DYNC1LI1: variants seen among roughly 807,000 people sequenced by gnomAD.
DYNC1LI1 encodes the protein dynein cytoplasmic 1 light intermediate chain 1.
DYNC1LI1 carries 19 observed loss-of-function variants against 63.8 expected under a neutral mutation model. The ratio of observed to expected loss-of-function variants is 0.30; its 90% CI spans 0.21 to 0.44. The LOEUF is 0.44. Ranked by LOEUF, DYNC1LI1 falls within the 20% of genes least tolerant of loss-of-function variation. DYNC1LI1 has a pLI of 1.00. For synonymous variants in DYNC1LI1, 225 were observed against 232.3 expected (o/e 0.97, Z 0.28); for missense variants, 565 against 630.2 (o/e 0.90, Z 1.11).
chr3:32,540,677 G>T lies in DYNC1LI1; in HGVS notation c.738+360C>A, dbSNP rs867194558. Among the ~76,000 whole-genome samples the T allele has an allele frequency of 9.3e-3, 1,166 of 124,736 alleles. 14 individuals carry two copies. Among genetic ancestry groups the T allele is most frequent in the African/African-American group, 0.034 (1,104 of 32,718 alleles). The allele number at this position is 124,736 out of a possible 152,430, so 81.8% of individuals were successfully genotyped here. On this transcript the variant is annotated intron_variant, in intron 5 of 12. Transcript: ENST00000273130. ...GCCTGGGCAACAAGAGCAAAACTCC[G>T]TCTCAAAAAAAAAAAAAAAAAAATT...
At chr3:32,538,061 AATTT>A (rs1185517683) in intron 5 of DYNC1LI1, among the ~76,000 whole-genome samples, 1 of 75,868 alleles carries the variant, frequency 1.3e-5, no homozygotes, top group Non-Finnish European at 2.6e-5. Context: ...ATATATATAT[AATTT>A]ATTATATATA....
intron 5 of DYNC1LI1, among the ~76,000 whole-genome samples, chr3:32,538,022 AT>A (rs1421088023): frequency 0.046 from 895 of 19,614 alleles, 128 homozygotes; most frequent in East Asian, 0.084. Flanking sequence ...TATATATATA[AT>A]TTATATATAT....
intron 2 of DYNC1LI1, among the ~76,000 whole-genome samples, chr3:32,554,246 T>C (rs1230950127): frequency 3.3e-5 from 5 of 152,234 alleles, no homozygotes; most frequent in Admixed American, 6.5e-5. Context: ...ATTTTTTCTC[T>C]GCTAGAATTT....
chr3:32,538,233 A>G (rs1697827634), intron 5 of DYNC1LI1, among the ~76,000 whole-genome samples: 1 of 146,260 alleles, frequency 6.8e-6, no homozygotes, highest in African/African-American at 2.5e-5. Flanking sequence ...TCTCCACAAA[A>G]ATGAAAATAA....
At position 32,544,852 on chromosome 3, in the gene DYNC1LI1, C is replaced by T. The variant is rs187073456; in HGVS notation, c.568+24G>A. On this transcript the variant is annotated intron_variant, in intron 4 of 12. Coordinates refer to ENST00000273130, the MANE Select transcript of DYNC1LI1 (RefSeq NM_016141.4). ...CAAGACATTTTGTATTTGAAACCTA[C>T]ATTACTGTTTCTAGATTACTTACAC... The T allele has an allele frequency of 2.6e-5, 40 of 1,513,318 alleles. No individual in the cohort carries two copies. The African/African-American group carries it at 4.7e-4, about 18-fold the overall frequency. 93.7% of individuals were successfully genotyped at this position (1,513,318 alleles called of 1,614,324 possible).
At chr3:32,550,754 ATAT>A (rs777766180) in intron 2 of DYNC1LI1, among the ~76,000 whole-genome samples, 79 of 152,218 alleles carry the variant, frequency 5.2e-4, no homozygotes, top group Non-Finnish European at 7.2e-4. Context: ...AATCCAGTAA[ATAT>A]TGAGTGGGGC....
Position 32,533,088 on chromosome 3 carries a change from C to T in DYNC1LI1, c.978G>A (p.Gly326=), listed in dbSNP as rs753734213. 3 of 1,589,160 alleles carry T rather than the reference C, an allele frequency of 1.9e-6. No homozygotes were observed. The highest frequency in any genetic ancestry group is 2.3e-5 in the South Asian group (2 of 85,866). Residue 326 remains glycine (G), a synonymous_variant, in exon 8 of 13, where the codon GGG becomes GGA. Transcript: ENST00000273130. ...TTCCTATTTTCTTATCATTATCCCACCCTGCTGGACTGGAAAGAAATACAT... is the reference window on the plus strand; with the variant it reads ...TTCCTATTTTCTTATCATTATCCCATCCTGCTGGACTGGAAAGAAATACAT... ...VEKDAVFIPA[G]WDNDKKIGIL...
chr3:32,566,368 GTAT>G (rs1698259912), intron 2 of DYNC1LI1, among the ~76,000 whole-genome samples: 1 of 152,086 alleles, frequency 6.6e-6, no homozygotes, highest in African/African-American at 2.4e-5. Context: ...TCTATGTTAG[GTAT>G]TATTATTTAT....
chr3:32,562,256 TTCTC>T (rs1324050592), intron 2 of DYNC1LI1, among the ~76,000 whole-genome samples: 2 of 152,166 alleles, frequency 1.3e-5, no homozygotes, highest in African/African-American at 2.4e-5. Flanking sequence ...GAGCAAGACT[TTCTC>T]TCTAAAACAT....
chr3:32,561,168 A>G (rs1213804888), intron 2 of DYNC1LI1, among the ~76,000 whole-genome samples: 1 of 151,984 alleles, frequency 6.6e-6, no homozygotes, highest in Non-Finnish European at 1.5e-5. Context: ...AGGAGGTCAA[A>G]GTCACACTAA....
At chr3:32,553,959 A>C (rs567442774) in intron 2 of DYNC1LI1, among the ~76,000 whole-genome samples, 1 of 152,354 alleles carries the variant, frequency 6.6e-6, no homozygotes, top group South Asian at 2.1e-4. Context: ...GTCCTGGTGC[A>C]TAAGGAGGCA....
chr3:32,545,054 G>C lies in DYNC1LI1; in HGVS notation c.390C>G (p.Gly130=), dbSNP rs893375309. ...WILDGDLYHK[G]LLKFSLDAVS... is the part of the protein sequence containing the mutation. The stretch of plus-strand genomic sequence containing the variant: ...CGGCATCCAGTGAAAATTTAAGGAG[G>C]CCTTTGTGATATAGGTCTCCATCTA... Residue 130 remains glycine, a synonymous_variant, in exon 4 of 13, where the codon GGC becomes GGG. Transcript: ENST00000273130. The C allele has an allele frequency of 1.9e-6, 3 of 1,613,892 alleles. No homozygotes were observed. Among genetic ancestry groups the C allele is most frequent in the Non-Finnish European group, 2.5e-6 (3 of 1,179,818 alleles).
At position 32,570,383 on chromosome 3, in the gene DYNC1LI1, G is replaced by A; in HGVS notation, c.183C>T (p.Arg61=). 1 of 1,606,466 alleles carries A rather than the reference G, an allele frequency of 6.2e-7. No individual in the cohort carries two copies. Among genetic ancestry groups the A allele is most frequent in the Non-Finnish European group, 8.5e-7 (1 of 1,177,434 alleles). The change falls in exon 2 of 13, where the codon CGC becomes CGT. Residue 61 remains arginine, a synonymous_variant. Transcript: ENST00000273130. ...CILSEVSTRS[R]SKLPAGKNVL... ...CGTTCTTCCCCGCAGGGAGCTTGGA[G>A]CGCGAGCGGGTGGAGACCTCGCTGA...
Position 32,561,030 on chromosome 3 carries a change from A to C in DYNC1LI1, c.220+9316T>G, listed in dbSNP as rs796263159. Reference sequence around the variant, plus strand: ...AAAAAAAAAAAAAAAAAAAAAAAAAAAAACAAACAAAAAAAACACACACAC... The same window carrying C: ...AAAAAAAAAAAAAAAAAAAAAAAAACAAACAAACAAAAAAAACACACACAC... On this transcript the variant is annotated intron_variant, in intron 2 of 12. Coordinates refer to ENST00000273130, the MANE Select transcript of DYNC1LI1 (RefSeq NM_016141.4). Among the ~76,000 whole-genome samples, 173 of 132,746 alleles carry C rather than the reference A, an allele frequency of 1.3e-3. 2 individuals carry two copies. Among genetic ancestry groups the C allele is most frequent in the South Asian group, 2.1e-3 (9 of 4,358 alleles). 87.1% of individuals were successfully genotyped at this position (132,746 alleles called of 152,430 possible).
At chr3:32,570,549 G>T (rs1213706713) in intron 1 of DYNC1LI1, 76 bp downstream of exon 1, 5 of 1,511,866 alleles carry the variant, frequency 3.3e-6, no homozygotes, top group Non-Finnish European at 3.5e-6. Context: ...CCGAGCTCCA[G>T]CGGGCACGGG....
At chr3:32,562,219 C>T (rs1698203533) in intron 2 of DYNC1LI1, among the ~76,000 whole-genome samples, 1 of 152,182 alleles carries the variant, frequency 6.6e-6, no homozygotes, top group East Asian at 1.9e-4. Flanking sequence ...GCTATGATTA[C>T]ACTACCGCAC....
chr3:32,563,584 G>A (rs553495302), intron 2 of DYNC1LI1, among the ~76,000 whole-genome samples: 126 of 152,218 alleles, frequency 8.3e-4, no homozygotes, highest in Admixed American at 1.5e-3. Context: ...GAGCCACCAC[G>A]CCCGGCCACT....
chr3:32,570,143 G>A lies in DYNC1LI1; in HGVS notation c.220+203C>T, dbSNP rs886949315. ...TACCGGGGAGGAGGAGGAGGAACCT[G>A]AGGGAGGGCGGGTCCCCGCAGGTCC... On this transcript the variant is annotated intron_variant, in intron 2 of 12. Transcript: ENST00000273130. 1.6e-5 allele frequency: 11 copies of A among 692,978 alleles called. No homozygotes were observed. In the African/African-American group the frequency reaches 1.8e-4, roughly 11 times the overall value. The allele number at this position is 692,978 out of a possible 1,614,324, so 42.9% of individuals were successfully genotyped here. A position where few individuals can be genotyped will look rare whatever the true frequency, so the allele number is the denominator to read the frequency against.
intron 12 of DYNC1LI1, among the ~76,000 whole-genome samples, chr3:32,527,998 G>C (rs1463136700): frequency 6.6e-6 from 1 of 151,100 alleles, no homozygotes; most frequent in Non-Finnish European, 1.5e-5. Context: ...GCAGGTGCCT[G>C]TGATCCCAGC....
Sources: allele counts gnomAD v4.1 joint callset (sites outside exome capture counted in the v4.1 genomes callset), GRCh38; gene constraint gnomAD v4.1.1; transcripts MANE v1.5; gene names NCBI Gene and HGNC (gene_info 2026-07-23, HGNC 2026-07-21).